NCK2: variants seen among roughly 807,000 people sequenced by gnomAD.
The protein encoded by NCK2 is NCK adaptor protein 2.
In NCK2, 16 loss-of-function variants were observed where a neutral mutation model predicts 33.9. That is an observed-to-expected ratio of 0.47 (90% CI 0.32 to 0.72). The LOEUF (loss-of-function observed/expected upper bound fraction) is 0.72. Among genes scored for constraint, NCK2 ranks in the 30% least tolerant of loss-of-function variants. The probability of loss-of-function intolerance (pLI) is 0.03; values close to 1 mark genes in which losing one functional copy is unlikely to be tolerated. For synonymous variants in NCK2, 273 were observed against 239.9 expected, an observed-to-expected ratio of 1.14 and a Z score of -1.27; for missense variants, 418 against 537.3, an observed-to-expected ratio of 0.78 and a Z score of 2.19.
chr2:105,813,757 A>G, intron 1 of NCK2, among the ~76,000 whole-genome samples: 1 of 152,234 alleles, frequency 6.6e-6, no homozygotes, highest in East Asian at 1.9e-4. Context: ...AGTGGAAAAA[A>G]AGCAAATTTT....
At chr2:105,791,684 G>A (rs183554534) in intron 1 of NCK2, among the ~76,000 whole-genome samples, 25 of 152,224 alleles carry the variant, frequency 1.6e-4, no homozygotes, top group African/African-American at 4.8e-4. Flanking sequence ...ACAGGGTTTC[G>A]TTTTTCTACT....
intron 1 of NCK2, among the ~76,000 whole-genome samples, chr2:105,800,352 T>C (rs779257737): frequency 6.6e-6 from 1 of 152,182 alleles, no homozygotes; most frequent in Non-Finnish European, 1.5e-5. Context: ...ATTGAGATAG[T>C]GCATAAAGAG....
intron 2 of NCK2, among the ~76,000 whole-genome samples, chr2:105,823,459 A>G (rs1273464907): frequency 2.6e-5 from 4 of 151,862 alleles, no homozygotes; most frequent in Non-Finnish European, 4.4e-5. Context: ...ATCAGAATCA[A>G]TTTTCCGGTT....
At chr2:105,768,198 C>G (rs954057130) in intron 1 of NCK2, among the ~76,000 whole-genome samples, 4 of 152,214 alleles carry the variant, frequency 2.6e-5, no homozygotes, top group Non-Finnish European at 2.9e-5. Context: ...GCTTTCTTTG[C>G]CTGTCTGTAG....
chr2:105,811,576 C>G (rs1420406780), intron 1 of NCK2, among the ~76,000 whole-genome samples: 1 of 152,204 alleles, frequency 6.6e-6, no homozygotes, highest in Non-Finnish European at 1.5e-5. Flanking sequence ...ATCTGAGTCC[C>G]TGCAGCTTGT....
intron 2 of NCK2, among the ~76,000 whole-genome samples, chr2:105,834,829 C>T (rs1676331060): frequency 1.3e-5 from 2 of 151,904 alleles, no homozygotes. Flanking sequence ...TGTGTGCTAC[C>T]ATGTCTGGCT....
At chr2:105,799,775 G>A (rs538053708) in intron 1 of NCK2, among the ~76,000 whole-genome samples, 1 of 152,310 alleles carries the variant, frequency 6.6e-6, no homozygotes, top group Admixed American at 6.5e-5. Flanking sequence ...AAGTGGTTAA[G>A]ATAGATCCAT....
At chr2:105,854,861 G>A in intron 2 of NCK2, 187 bp from the exon 3 acceptor site, 1 of 544,154 alleles carries the variant, frequency 1.8e-6, no homozygotes, top group Non-Finnish European at 3.3e-6. Flanking sequence ...TAAGGTTGCT[G>A]TTTCTAAACC....
chr2:105,828,783 A>G (rs976359193), intron 2 of NCK2, among the ~76,000 whole-genome samples: 8 of 152,208 alleles, frequency 5.3e-5, no homozygotes, highest in African/African-American at 1.7e-4. Context: ...TAAATTAGGC[A>G]TGCTCTCTAC....
At chr2:105,786,940 G>C (rs921322573) in intron 1 of NCK2, among the ~76,000 whole-genome samples, 1 of 152,236 alleles carries the variant, frequency 6.6e-6, no homozygotes, top group African/African-American at 2.4e-5. Flanking sequence ...CAGACTCGAA[G>C]CAGGGGACCT....
At chr2:105,755,106 T>A (rs62154114) in intron 1 of NCK2, among the ~76,000 whole-genome samples, 1,880 of 152,306 alleles carry the variant, frequency 0.012, 15 homozygotes, top group Non-Finnish European at 0.021. Flanking sequence ...CTTCTGTTAT[T>A]GTCTTCTTAG....
chr2:105,793,937 A>G (rs1690982477), intron 1 of NCK2, among the ~76,000 whole-genome samples: 1 of 152,198 alleles, frequency 6.6e-6, no homozygotes, highest in South Asian at 2.1e-4. Context: ...TTTTCAGTGG[A>G]TAAAAGCTTT....
intron 1 of NCK2, among the ~76,000 whole-genome samples, chr2:105,771,945 T>C (rs1395283491): frequency 2.0e-5 from 3 of 152,146 alleles, no homozygotes; most frequent in Non-Finnish European, 4.4e-5. Context: ...TTCCAGGGCC[T>C]CATTTTCCAC....
chr2:105,879,231 T>C (rs1364241893), intron 3 of NCK2, among the ~76,000 whole-genome samples: 1 of 152,254 alleles, frequency 6.6e-6, no homozygotes, highest in African/African-American at 2.4e-5. Context: ...TTGACATCAT[T>C]GTTGCCAATA....
intron 1 of NCK2, among the ~76,000 whole-genome samples, chr2:105,807,764 T>TTCTC (rs1446228537): frequency 6.1e-5 from 1 of 16,320 alleles, no homozygotes; most frequent in African/African-American, 3.2e-4. Context: ...CCTCCCTCCC[T>TTCTC]TCTCTCCCTC....
intron 4 of NCK2, among the ~76,000 whole-genome samples, chr2:105,885,624 G>C (rs1678691397): frequency 6.6e-6 from 1 of 151,902 alleles, no homozygotes; most frequent in Admixed American, 6.6e-5. Context: ...CAGGAGGTCT[G>C]GGGCCCAAGA....
chr2:105,881,740 G>T lies in NCK2; in HGVS notation c.639G>T (p.Glu213Asp). ...CCTTCAGCTCAGTCACCGAGGAGGA[G>T]CTCAACTTCGAGAAGGGGGAGACCA... ...LYPFSSVTEE[E>D]LNFEKGETME... The change falls in exon 4 of 5, where the codon GAG becomes GAT. Residue 213 changes from glutamate to aspartate, a missense_variant. Transcript: ENST00000233154. 1 of 1,614,262 alleles carries T rather than the reference G, an allele frequency of 6.2e-7. No individual in the cohort carries two copies. Among genetic ancestry groups the T allele is most frequent in the Admixed American group, 1.7e-5 (1 of 60,036 alleles).
chr2:105,801,585 G>T (rs991498654), intron 1 of NCK2, among the ~76,000 whole-genome samples: 1 of 151,930 alleles, frequency 6.6e-6, no homozygotes, highest in Non-Finnish European at 1.5e-5. Flanking sequence ...CTGGAGTTAG[G>T]GGGAGGGATG....
intron 1 of NCK2, among the ~76,000 whole-genome samples, chr2:105,769,551 A>T (rs1402295750): frequency 6.6e-6 from 1 of 152,226 alleles, no homozygotes; most frequent in Non-Finnish European, 1.5e-5. Flanking sequence ...ATAACTCCAC[A>T]GTAGAAGTTA....
Sources: allele counts gnomAD v4.1 joint callset (sites outside exome capture counted in the v4.1 genomes callset), GRCh38; gene constraint gnomAD v4.1.1; transcripts MANE v1.5; gene names NCBI Gene and HGNC (gene_info 2026-07-23, HGNC 2026-07-21).